RBFOX1: variants seen among roughly 807,000 people sequenced by gnomAD.
The protein encoded by RBFOX1 is RNA binding protein fox-1 homolog 1.
RBFOX1 carries 8 observed loss-of-function variants against 57.7 expected under a neutral mutation model. The ratio of observed to expected loss-of-function variants is 0.14; its 90% CI spans 0.08 to 0.25. RBFOX1 has a LOEUF of 0.25. Among genes scored for constraint, RBFOX1 ranks in the 10% least tolerant of loss-of-function variants. The pLI, the probability that RBFOX1 is intolerant of heterozygous loss-of-function variation, is 1.00. For synonymous variants in RBFOX1, 326 were observed against 222.4 expected, an observed-to-expected ratio of 1.47 and a Z score of -4.15; for missense variants, 611 against 548.5, an observed-to-expected ratio of 1.11 and a Z score of -1.14.
At chr16:7,167,815 C>A (rs1181877369) in intron 4 of RBFOX1, among the ~76,000 whole-genome samples, 2 of 151,964 alleles carry the variant, frequency 1.3e-5, no homozygotes, top group Non-Finnish European at 2.9e-5. Flanking sequence ...ATAACTGCGA[C>A]AAAAACCATC....
intron 1 of RBFOX1, among the ~76,000 whole-genome samples, chr16:6,067,928 A>G (rs2095788105): frequency 1.3e-5 from 2 of 152,222 alleles, no homozygotes; most frequent in South Asian, 4.1e-4. Context: ...ATAAATGCCA[A>G]TAACTTGAAC....
At chr16:7,033,719 C>A (rs1275230476) in intron 3 of RBFOX1, among the ~76,000 whole-genome samples, 1 of 151,938 alleles carries the variant, frequency 6.6e-6, no homozygotes. Flanking sequence ...TTTGTCCGGG[C>A]GTGGCGACTT....
intron 1 of RBFOX1, among the ~76,000 whole-genome samples, chr16:6,159,528 G>C (rs8055304): frequency 0.55 from 83,740 of 151,984 alleles, 24,314 homozygotes; most frequent in Admixed American, 0.68. Context: ...TCCAGTTCCA[G>C]TGCACACAGC....
At chr16:7,361,417 A>G (rs1306436864) in intron 4 of RBFOX1, among the ~76,000 whole-genome samples, 3 of 152,216 alleles carry the variant, frequency 2.0e-5, no homozygotes, top group African/African-American at 4.8e-5. Flanking sequence ...AGGCTGCGGC[A>G]CTTCCCTAAA....
At chr16:5,671,828 A>C in intron 3 of RBFOX1, among the ~76,000 whole-genome samples, 1 of 152,232 alleles carries the variant, frequency 6.6e-6, no homozygotes, top group East Asian at 1.9e-4. Context: ...TATTCAAATT[A>C]TATCTCCATC....
chr16:7,246,817 CTGAT>C (rs1413150426), intron 4 of RBFOX1, among the ~76,000 whole-genome samples: 3 of 152,046 alleles, frequency 2.0e-5, no homozygotes, highest in Admixed American at 6.5e-5. Flanking sequence ...GGCTGACTGA[CTGAT>C]CAAAGAGAGC....
intron 3 of RBFOX1, among the ~76,000 whole-genome samples, chr16:6,975,261 C>CT (rs924537671): frequency 2.2e-5 from 2 of 92,014 alleles, no homozygotes; most frequent in African/African-American, 1.0e-4. Flanking sequence ...AAATCATGTC[C>CT]TTTTTTTATT....
intron 4 of RBFOX1, among the ~76,000 whole-genome samples, chr16:7,452,821 A>G (rs558944981): frequency 3.2e-4 from 49 of 152,290 alleles, no homozygotes; most frequent in African/African-American, 1.0e-3. Context: ...TGGTCACAAA[A>G]GGTAAATGTA....
intron 3 of RBFOX1, among the ~76,000 whole-genome samples, chr16:7,046,685 A>C (rs561788127): frequency 7.0e-6 from 1 of 143,026 alleles, no homozygotes; most frequent in East Asian, 2.1e-4. Flanking sequence ...GGCTCACTGC[A>C]ACCTCCGTCT....
chr16:7,537,845 T>C (rs9939248), intron 5 of RBFOX1, among the ~76,000 whole-genome samples: 13,474 of 152,276 alleles, frequency 0.088, 709 homozygotes, highest in East Asian at 0.22. Context: ...AAAACAATTC[T>C]GGATAAATTA....
At chr16:5,245,138 G>T (rs1238011783) in intron 1 of RBFOX1, among the ~76,000 whole-genome samples, 4 of 152,198 alleles carry the variant, frequency 2.6e-5, no homozygotes, top group Admixed American at 2.6e-4. Context: ...TGGGACAGGG[G>T]TCCCTGCCAG....
rs1603624448 is a variant in RBFOX1 at position 7,338,593 on chromosome 16, A to G, written c.28-179554A>G. On this transcript the variant is annotated intron_variant, in intron 4 of 15. Transcript: ENST00000550418. ...TCTTTTGTAGAGATGAGGTCTCATT[A>G]TGTTGGCCAGCCTGGTCTCAAACTC... is the stretch of plus-strand genomic sequence containing the variant. 2.0e-5 allele frequency among the ~76,000 whole-genome samples: 3 copies of G among 152,094 alleles called. No individual in the cohort carries two copies. In the South Asian group the frequency reaches 6.2e-4, roughly 32 times the overall value.
At chr16:6,910,719 T>A (rs1005386653) in intron 3 of RBFOX1, among the ~76,000 whole-genome samples, 1 of 152,184 alleles carries the variant, frequency 6.6e-6, no homozygotes, top group African/African-American at 2.4e-5. Context: ...TAAAGCAACA[T>A]CATTTCCTAA....
chr16:5,429,683 G>T (rs551425), intron 1 of RBFOX1, among the ~76,000 whole-genome samples: 93,832 of 152,036 alleles, frequency 0.62, 29,044 homozygotes, highest in Admixed American at 0.67. Flanking sequence ...CTACCTCTGA[G>T]GGGCCATTAT....
At chr16:7,262,363 T>C (rs17143163) in intron 4 of RBFOX1, among the ~76,000 whole-genome samples, 9,700 of 152,232 alleles carry the variant, frequency 0.064, 390 homozygotes, top group East Asian at 0.13. Flanking sequence ...TTTTTGAAAG[T>C]TTCACTTTGT....
chr16:7,043,212 T>A (rs8051714), intron 3 of RBFOX1, among the ~76,000 whole-genome samples: 39,586 of 152,038 alleles, frequency 0.26, 6,046 homozygotes, highest in East Asian at 0.47. Context: ...CTGCTTCCCG[T>A]CCTTCAGCAG....
At chr16:6,935,867 G>A (rs905106167) in intron 3 of RBFOX1, among the ~76,000 whole-genome samples, 10 of 152,192 alleles carry the variant, frequency 6.6e-5, no homozygotes, top group African/African-American at 2.4e-4. Flanking sequence ...ATCCTAGAAA[G>A]GAGGGATGCT....
chr16:7,251,386 A>G (rs1333028807), intron 4 of RBFOX1, among the ~76,000 whole-genome samples: 1 of 149,092 alleles, frequency 6.7e-6, no homozygotes, highest in East Asian at 2.0e-4. Context: ...CATTGTAGAT[A>G]CAGAGCATAC....
At chr16:7,254,164 G>A (rs1196155244) in intron 4 of RBFOX1, among the ~76,000 whole-genome samples, 2 of 152,114 alleles carry the variant, frequency 1.3e-5, no homozygotes, top group Admixed American at 1.3e-4. Flanking sequence ...GAAGACCAAT[G>A]AGAAAAGAAA....
Sources: gnomAD v4.1 joint callset for allele counts (sites outside exome capture counted in the v4.1 genomes callset) on GRCh38, gnomAD v4.1.1 for gene constraint, MANE v1.5 for transcripts, NCBI Gene and HGNC (gene_info 2026-07-23, HGNC 2026-07-21) for gene names.